CEP85: variants seen among roughly 807,000 people sequenced by gnomAD.
The protein encoded by CEP85 is centrosomal protein 85.
In CEP85, 58 loss-of-function variants were observed where a neutral mutation model predicts 93.7. The ratio of observed to expected loss-of-function variants is 0.62; its 90% confidence interval spans 0.50 to 0.77. The LOEUF (loss-of-function observed/expected upper bound fraction) is 0.77. Ranked by LOEUF, CEP85 falls within the 30% of genes least tolerant of loss-of-function variation. CEP85 has a pLI of 0.00. For synonymous variants in CEP85, 314 were observed against 338.6 expected, an observed-to-expected ratio of 0.93 and a Z score of 0.80; for missense variants, 868 against 922.0, an observed-to-expected ratio of 0.94 and a Z score of 0.76.
intron 10 of CEP85, 133 bp downstream of exon 10, chr1:26,271,240 G>A (rs1345889627): frequency 5.2e-6 from 3 of 582,460 alleles, no homozygotes; most frequent in Non-Finnish European, 9.2e-6. Flanking sequence ...CTTTCTTTTC[G>A]GAGAAGTCAC....
intron 13 of CEP85, among the ~76,000 whole-genome samples, 153 bp downstream of exon 13, chr1:26,276,913 G>C (rs1447022363): frequency 6.6e-6 from 1 of 152,184 alleles, no homozygotes; most frequent in Non-Finnish European, 1.5e-5. Context: ...TCACAAAGTA[G>C]GTGTTCACAA....
In CEP85 at chr1:26,255,783, G is replaced by C; in HGVS notation, c.821G>C (p.Trp274Ser). Residue 274 changes from tryptophan (W) to serine (S), a missense_variant, in exon 4 of 14, where the codon TGG becomes TCG. Transcript: ENST00000451429. ...GTGTGGCAGCCGAGTCCTGACACTT[G>C]GCATCCCCGAGAGCAATCTTGTGAA... ...SQVWQPSPDT[W>S]HPREQSCELS... 2 of 1,614,126 alleles carry C rather than the reference G, an allele frequency of 1.2e-6. No individual in the cohort carries two copies. Among genetic ancestry groups the C allele is most frequent in the South Asian group, 2.2e-5 (2 of 91,050 alleles).
intron 10 of CEP85, chr1:26,271,776 T>C (rs754475349): frequency 1.0e-5 from 5 of 482,008 alleles, no homozygotes; most frequent in Non-Finnish European, 1.9e-5. Flanking sequence ...TTTCCCCCAG[T>C]AGTGGTTATG....
chr1:26,273,932 A>ATAAATAAAATATAT (rs1553161624), intron 11 of CEP85, among the ~76,000 whole-genome samples: 1 of 145,780 alleles, frequency 6.9e-6, no homozygotes, highest in Non-Finnish European at 1.5e-5. Context: ...AAATAAATAA[A>ATAAATAAAATATAT]ATATATATAT....
At chr1:26,270,447 T>C (rs540205952) in intron 9 of CEP85, among the ~76,000 whole-genome samples, 1 of 152,280 alleles carries the variant, frequency 6.6e-6, no homozygotes, top group East Asian at 1.9e-4. Context: ...CTGAAAATAA[T>C]GGTGTGTTTC....
intron 7 of CEP85, among the ~76,000 whole-genome samples, chr1:26,261,260 G>A (rs1215895029): frequency 1.3e-5 from 2 of 151,186 alleles, no homozygotes; most frequent in African/African-American, 4.9e-5. Context: ...ATCACCTGAG[G>A]TCAGGGGTTC....
intron 3 of CEP85, among the ~76,000 whole-genome samples, chr1:26,248,190 A>G (rs2089541065): frequency 6.6e-6 from 1 of 152,204 alleles, no homozygotes; most frequent in Non-Finnish European, 1.5e-5. Context: ...TATTCTATCA[A>G]TTGTGTAATC....
Position 26,276,985 on chromosome 1 carries a change from C to T in CEP85, c.2129-151C>T, listed in dbSNP as rs1236639413. ...GCAGGACAAACTAAAAGTGGACCTT[C>T]AGCAGCAAATTAACCCACTGTCCCC... On this transcript the variant is annotated intron_variant, in intron 13 of 13. Coordinates refer to ENST00000451429, the MANE Select transcript of CEP85 (RefSeq NM_001319944.2). The T allele has an allele frequency of 3.2e-6, 3 of 925,032 alleles. No individual in the cohort carries two copies. The African/African-American group carries it at 5.0e-5, about 15-fold the overall frequency. 57.3% of individuals were successfully genotyped at this position (925,032 alleles called of 1,614,324 possible).
At chr1:26,243,916 G>T (rs1042740210) in intron 2 of CEP85, among the ~76,000 whole-genome samples, 1 of 145,726 alleles carries the variant, frequency 6.9e-6, no homozygotes, top group African/African-American at 2.6e-5. Context: ...AGAATTGCTT[G>T]AACCCAGGAG....
chr1:26,265,575 T>C (rs905501802), intron 7 of CEP85, among the ~76,000 whole-genome samples: 1 of 152,126 alleles, frequency 6.6e-6, no homozygotes, highest in Non-Finnish European at 1.5e-5. Flanking sequence ...TCTAGCTAAT[T>C]TGTATATAGA....
intron 11 of CEP85, among the ~76,000 whole-genome samples, chr1:26,273,257 G>A (rs1052863755): frequency 1.3e-5 from 2 of 152,030 alleles, no homozygotes; most frequent in Non-Finnish European, 2.9e-5. Flanking sequence ...AGAAATTCTG[G>A]GTAAAGCAGG....
intron 3 of CEP85, among the ~76,000 whole-genome samples, chr1:26,250,656 G>C (rs1205253204): frequency 6.6e-6 from 1 of 152,142 alleles, no homozygotes; most frequent in Non-Finnish European, 1.5e-5. Context: ...AATTAGAAAA[G>C]CCATATTCTT....
At chr1:26,253,196 C>G (rs563853818) in intron 3 of CEP85, among the ~76,000 whole-genome samples, 1 of 152,194 alleles carries the variant, frequency 6.6e-6, no homozygotes, top group Non-Finnish European at 1.5e-5. Context: ...TTGTAGATAT[C>G]TCTTGGACAT....
intron 3 of CEP85, chr1:26,254,439 A>AC (rs1491467554): frequency 3.3e-5 from 5 of 152,226 alleles, no homozygotes; most frequent in African/African-American, 9.6e-5. Context: ...AAAAAAAAAA[A>AC]ACACAGTTGG....
chr1:26,268,632 G>C lies in CEP85; in HGVS notation c.1491G>C (p.Gln497His). The C allele has an allele frequency of 6.2e-7, 1 of 1,606,324 alleles. No individual in the cohort carries two copies. The highest frequency in any genetic ancestry group is 8.5e-7 in the Non-Finnish European group (1 of 1,176,520). ...PTLEDHQKQSQQLKDSELKST... is the reference protein window; with the variant it reads ...PTLEDHQKQSHQLKDSELKST... ...TGGAAGACCATCAGAAGCAGAGCCAGCAGGTAGCAGCAATGTCTTGGCATG... is the reference window on the plus strand; with the variant it reads ...TGGAAGACCATCAGAAGCAGAGCCACCAGGTAGCAGCAATGTCTTGGCATG... The change falls in exon 8 of 14, where the codon CAG becomes CAC. Residue 497 changes from glutamine to histidine, a missense_variant. Physicochemically the swap from Gln to His is conservative, Grantham distance 24. Transcript: ENST00000451429.
intron 10 of CEP85, chr1:26,271,756 G>T: frequency 2.2e-6 from 1 of 452,474 alleles, no homozygotes; most frequent in Non-Finnish European, 4.0e-6. Flanking sequence ...TTATTAGGGT[G>T]AGAGTTCCCT....
chr1:26,254,192 GAGA>G (rs1391569132), intron 3 of CEP85, among the ~76,000 whole-genome samples: 1 of 152,134 alleles, frequency 6.6e-6, no homozygotes, highest in African/African-American at 2.4e-5. Context: ...TAGTTGAAAA[GAGA>G]AGAAATTGGT....
In CEP85 at chr1:26,277,278, CTG is replaced by C. The variant is rs772239978; in HGVS notation, c.2275_2276del (p.Val759HisfsTer20). ...GATATGCCCAGGACATGGGAGAAAA[CTG>C]TGTCACACAGTGAGGAATTCTGGGG... The part of the protein sequence containing the change: ...DRYAQDMGEN[C>X]VTQ On this transcript the variant is annotated frameshift_variant, in exon 14 of 14. Transcript: ENST00000451429. LOFTEE classifies it high-confidence loss of function. The C allele has an allele frequency of 2.0e-5, 33 of 1,612,462 alleles. No homozygotes were observed. Among genetic ancestry groups the C allele is most frequent in the East Asian group, 4.5e-5 (2 of 44,826 alleles).
intron 1 of CEP85, among the ~76,000 whole-genome samples, chr1:26,235,256 G>A (rs1048475445): frequency 1.1e-4 from 16 of 152,208 alleles, no homozygotes; most frequent in African/African-American, 3.6e-4. Flanking sequence ...TAAGTAGGGG[G>A]CGGTGGTGAT....
Sources: gnomAD v4.1 joint callset for allele counts (sites outside exome capture counted in the v4.1 genomes callset) on GRCh38, gnomAD v4.1.1 for gene constraint, MANE v1.5 for transcripts, NCBI Gene and HGNC (gene_info 2026-07-23, HGNC 2026-07-21) for gene names.